Variants in CLIC5 observed in about 807,000 individuals in gnomAD.
CLIC5 encodes the protein chloride intracellular channel protein 5.
A neutral mutation model predicts 24.7 loss-of-function variants in CLIC5; 20 were observed. The ratio of observed to expected loss-of-function variants is 0.81; its 90% CI spans 0.57 to 1.18. CLIC5 has a LOEUF of 1.18. Among genes scored for constraint, CLIC5 ranks in the 50% most tolerant of loss-of-function variants. CLIC5 has a pLI of 0.00. For synonymous variants in CLIC5, 159 were observed against 135.6 expected (o/e 1.17, Z -1.20); for missense variants, 341 against 326.1 (o/e 1.05, Z -0.35).
chr6:46,033,709 A>G (rs988069171), intron 1 of CLIC5, among the ~76,000 whole-genome samples: 5 of 152,210 alleles, frequency 3.3e-5, no homozygotes, highest in Admixed American at 2.0e-4. Flanking sequence ...TTGTTAAACT[A>G]AGTTTCTATT....
At chr6:46,009,182 T>C (rs920547843) in intron 1 of CLIC5, among the ~76,000 whole-genome samples, 1 of 151,328 alleles carries the variant, frequency 6.6e-6, no homozygotes, top group Non-Finnish European at 1.5e-5. Flanking sequence ...TGAATCCCCC[T>C]TAAAGACTCT....
intron 1 of CLIC5, among the ~76,000 whole-genome samples, chr6:45,956,062 G>C (rs746121617): frequency 4.6e-5 from 7 of 152,116 alleles, no homozygotes; most frequent in Non-Finnish European, 8.8e-5. Flanking sequence ...ATTATTATTG[G>C]GTGTTCTGTG....
At chr6:45,897,717 C>G (rs914674478), downstream of CLIC5, among the ~76,000 whole-genome samples, 3 of 152,064 alleles carry the variant, frequency 2.0e-5, no homozygotes, top group Non-Finnish European at 4.4e-5. Flanking sequence ...CTCTGGGAAC[C>G]TGAACCCAGA....
chr6:46,003,467 C>T (rs879816833), intron 1 of CLIC5, among the ~76,000 whole-genome samples: 1 of 152,190 alleles, frequency 6.6e-6, no homozygotes, highest in Non-Finnish European at 1.5e-5. Context: ...AAGGCTGCAA[C>T]TGTTTTTATA....
At chr6:45,935,933 AAAC>A (rs199813974) in intron 4 of CLIC5, among the ~76,000 whole-genome samples, 3 of 152,146 alleles carry the variant, frequency 2.0e-5, no homozygotes, top group Admixed American at 6.5e-5. Context: ...CACTCTTTTA[AAAC>A]AACAACAACA....
chr6:46,061,101 A>C (rs1294508496), intron 1 of CLIC5, among the ~76,000 whole-genome samples: 1 of 152,214 alleles, frequency 6.6e-6, no homozygotes, highest in East Asian at 1.9e-4. Flanking sequence ...GCAGCTATAA[A>C]ATTTTTATTA....
At chr6:46,051,191 A>T (rs1211813478) in intron 1 of CLIC5, among the ~76,000 whole-genome samples, 1 of 152,168 alleles carries the variant, frequency 6.6e-6, no homozygotes, top group Non-Finnish European at 1.5e-5. Context: ...TCAGGATAGA[A>T]ATTGAGGCTC....
intron 4 of CLIC5, chr6:45,932,869 A>G (rs1040716726): frequency 2.0e-5 from 3 of 152,282 alleles, no homozygotes; most frequent in African/African-American, 7.2e-5. Context: ...GCTGCCTTAT[A>G]TGAGGGCTCT....
chr6:46,103,041 A>G, the CLIC5 span, among the ~76,000 whole-genome samples: 1 of 151,942 alleles, frequency 6.6e-6, no homozygotes, highest in Non-Finnish European at 1.5e-5. Context: ...TCATTGGATC[A>G]TATCACACGA....
chr6:46,010,093 C>T (rs1454334169), intron 1 of CLIC5, among the ~76,000 whole-genome samples: 1 of 152,210 alleles, frequency 6.6e-6, no homozygotes, highest in Non-Finnish European at 1.5e-5. Context: ...CAATCGGGAA[C>T]ATTTCTCTTC....
chr6:45,941,877 C>T (rs1764143969), intron 3 of CLIC5, among the ~76,000 whole-genome samples: 1 of 152,142 alleles, frequency 6.6e-6, no homozygotes, highest in South Asian at 2.1e-4. Context: ...CCTAGGGTGA[C>T]ACAGTCTGCT....
chr6:46,104,328 C>T, the CLIC5 span, among the ~76,000 whole-genome samples: 1 of 152,060 alleles, frequency 6.6e-6, no homozygotes, highest in Non-Finnish European at 1.5e-5. Flanking sequence ...ATCTGGGGGG[C>T]ATGATCTTCA....
chr6:46,005,774 A>T (rs2022419), intron 1 of CLIC5, among the ~76,000 whole-genome samples: 1 of 151,346 alleles, frequency 6.6e-6, no homozygotes, highest in African/African-American at 2.4e-5. Flanking sequence ...GAATAGAGTT[A>T]TCCTCCTCCA....
the CLIC5 span, among the ~76,000 whole-genome samples, chr6:46,115,446 C>T: frequency 6.6e-6 from 1 of 152,206 alleles, no homozygotes; most frequent in Non-Finnish European, 1.5e-5. Flanking sequence ...AGATAAGCTG[C>T]TCCAAACTGT....
intron 1 of CLIC5, among the ~76,000 whole-genome samples, chr6:45,980,541 C>T (rs890191906): frequency 6.6e-6 from 1 of 151,908 alleles, no homozygotes; most frequent in African/African-American, 2.4e-5. Flanking sequence ...AACAAACCAG[C>T]ACATGTACCC....
intron 1 of CLIC5, among the ~76,000 whole-genome samples, chr6:45,972,612 C>A (rs192044182): frequency 5.4e-4 from 82 of 152,316 alleles, no homozygotes; most frequent in East Asian, 1.9e-4. Context: ...CATCAGCATC[C>A]TTTAGGAGCT....
chr6:46,106,254 C>T, the CLIC5 span, among the ~76,000 whole-genome samples: 4 of 152,026 alleles, frequency 2.6e-5, no homozygotes, highest in East Asian at 5.8e-4. Flanking sequence ...CCTACAGGAG[C>T]GTGCCACCAT....
intron 1 of CLIC5, among the ~76,000 whole-genome samples, chr6:45,964,694 G>T (rs936585823): frequency 3.3e-5 from 5 of 152,164 alleles, no homozygotes; most frequent in African/African-American, 1.2e-4. Context: ...GATTATTCCA[G>T]CCCCCAGCTT....
At chr6:45,888,580 A>G (rs1050327660) in intron 6 of CLIC5, among the ~76,000 whole-genome samples, 4 of 152,216 alleles carry the variant, frequency 2.6e-5, no homozygotes, top group African/African-American at 9.6e-5. Flanking sequence ...CTGTTTTTGA[A>G]AATGATCCCT....
Sources: allele counts gnomAD v4.1 joint callset (sites outside exome capture counted in the v4.1 genomes callset), GRCh38; gene constraint gnomAD v4.1.1; transcripts MANE v1.5; gene names NCBI Gene and HGNC (gene_info 2026-07-23, HGNC 2026-07-21).